LARGE1: variants seen among roughly 807,000 people sequenced by gnomAD.
The protein encoded by LARGE1 is LARGE xylosyl- and glucuronyltransferase 1.
In LARGE1, 43 loss-of-function variants were observed where a neutral mutation model predicts 87.6. The ratio of observed to expected loss-of-function variants is 0.49; its 90% CI spans 0.38 to 0.63. The LOEUF (loss-of-function observed/expected upper bound fraction) is 0.63. LARGE1 is among the 30% of genes least tolerant of loss of function. The pLI, the probability that LARGE1 is intolerant of heterozygous loss-of-function variation, is 0.00. For synonymous variants in LARGE1, 434 were observed against 394.6 expected (o/e 1.10, Z -1.18); for missense variants, 802 against 1,000.2 (o/e 0.80, Z 2.67).
At chr22:33,579,758 T>C (rs563485800) in intron 5 of LARGE1, among the ~76,000 whole-genome samples, 2 of 152,280 alleles carry the variant, frequency 1.3e-5, no homozygotes, top group East Asian at 3.9e-4. Flanking sequence ...GGTGGTGTTG[T>C]TTTGTGTTAC....
At chr22:33,306,305 G>T (rs1405619947) in intron 11 of LARGE1, among the ~76,000 whole-genome samples, 1 of 152,164 alleles carries the variant, frequency 6.6e-6, no homozygotes, top group African/African-American at 2.4e-5. Context: ...AAATGTGGGG[G>T]ACTCTGCGCT....
At chr22:33,280,721 G>A (rs1259540103) in intron 13 of LARGE1, among the ~76,000 whole-genome samples, 1 of 152,190 alleles carries the variant, frequency 6.6e-6, no homozygotes, top group Non-Finnish European at 1.5e-5. Context: ...CTCCTTCCCT[G>A]CTAAAAAAGG....
chr22:33,580,377 A>G (rs1423054362), intron 5 of LARGE1, among the ~76,000 whole-genome samples: 1 of 129,944 alleles, frequency 7.7e-6, no homozygotes, highest in East Asian at 2.0e-4. Context: ...ACAAAAAAAG[A>G]AAAAAAAAAA....
At chr22:33,072,441 C>A in the LARGE1 span, among the ~76,000 whole-genome samples, 1 of 152,066 alleles carries the variant, frequency 6.6e-6, no homozygotes, top group Admixed American at 6.6e-5. Context: ...CAAGGGGAAT[C>A]ATTTTCTTAG....
intron 9 of LARGE1, among the ~76,000 whole-genome samples, chr22:33,369,022 G>T (rs750599521): frequency 6.6e-6 from 1 of 152,112 alleles, no homozygotes; most frequent in Admixed American, 6.6e-5. Context: ...TTAAAATAAG[G>T]TAACAATGAA....
At chr22:33,525,440 A>G (rs560498642) in intron 6 of LARGE1, among the ~76,000 whole-genome samples, 1 of 152,354 alleles carries the variant, frequency 6.6e-6, no homozygotes, top group African/African-American at 2.4e-5. Flanking sequence ...TGAAAGCTGC[A>G]TGAAACAGCC....
chr22:33,815,074 G>A (rs1161148963), intron 1 of LARGE1, among the ~76,000 whole-genome samples: 1 of 152,172 alleles, frequency 6.6e-6, no homozygotes, highest in Admixed American at 6.6e-5. Flanking sequence ...AGTAAAGGAG[G>A]AGATTTAATG....
intron 12 of LARGE1, among the ~76,000 whole-genome samples, chr22:33,302,401 G>A (rs560070000): frequency 6.6e-6 from 1 of 152,250 alleles, no homozygotes; most frequent in African/African-American, 2.4e-5. Flanking sequence ...TTTTAACAGA[G>A]TCTGGTAGGG....
intron 1 of LARGE1, among the ~76,000 whole-genome samples, chr22:33,793,022 C>T (rs947136300): frequency 1.3e-5 from 2 of 152,186 alleles, no homozygotes; most frequent in African/African-American, 4.8e-5. Context: ...CTGAGCGTGC[C>T]CAGAGGAGGA....
At chr22:33,577,772 C>T (rs931930279) in intron 5 of LARGE1, among the ~76,000 whole-genome samples, 1 of 152,246 alleles carries the variant, frequency 6.6e-6, no homozygotes, top group Non-Finnish European at 1.5e-5. Flanking sequence ...CAGCAACTTA[C>T]AAGCAGGCAA....
Position 33,787,150 on chromosome 22 carries a change from T to C in LARGE1, c.-82-25592A>G, listed in dbSNP as rs1041262583. Among the ~76,000 whole-genome samples the C allele has an allele frequency of 4.6e-5, 7 of 152,340 alleles. No homozygotes were observed. The South Asian group carries it at 6.2e-4, about 14-fold the overall frequency. ...GCATGCTATACTTCCACGTAACAGCTGGTATTATCTTCTACCCAATTTCAA... is the reference window on the plus strand; with the variant it reads ...GCATGCTATACTTCCACGTAACAGCCGGTATTATCTTCTACCCAATTTCAA... On this transcript the variant is annotated intron_variant, in intron 1 of 14. Coordinates refer to ENST00000397394, the MANE Select transcript of LARGE1 (RefSeq NM_133642.5).
intron 6 of LARGE1, among the ~76,000 whole-genome samples, chr22:33,471,124 T>C (rs909229098): frequency 2.0e-5 from 3 of 149,736 alleles, no homozygotes; most frequent in African/African-American, 7.4e-5. Context: ...GCCACCTGGG[T>C]TCAAGCAATT....
chr22:33,692,288 C>G (rs1331849691), intron 2 of LARGE1, among the ~76,000 whole-genome samples: 1 of 150,826 alleles, frequency 6.6e-6, no homozygotes, highest in African/African-American at 2.4e-5. Context: ...GTAACACGGC[C>G]TTCCCCAATA....
intron 3 of LARGE1, among the ~76,000 whole-genome samples, chr22:33,642,743 G>GATGC (rs1187325668): frequency 4.5e-5 from 6 of 133,698 alleles, no homozygotes; most frequent in Non-Finnish European, 6.2e-5. Flanking sequence ...AAAGGCAGGA[G>GATGC]ATGCAATCCT....
At chr22:33,578,004 C>G (rs2078402235) in intron 5 of LARGE1, among the ~76,000 whole-genome samples, 1 of 152,190 alleles carries the variant, frequency 6.6e-6, no homozygotes, top group Non-Finnish European at 1.5e-5. Flanking sequence ...TGTAATACAT[C>G]TAACAAACAT....
intron 2 of LARGE1, among the ~76,000 whole-genome samples, chr22:33,674,348 G>A (rs1020248197): frequency 6.6e-6 from 1 of 152,116 alleles, no homozygotes; most frequent in Non-Finnish European, 1.5e-5. Flanking sequence ...GAATCATATA[G>A]TCTTTACTTG....
intron 3 of LARGE1, among the ~76,000 whole-genome samples, chr22:33,631,214 C>T (rs1477123100): frequency 6.6e-6 from 1 of 151,832 alleles, no homozygotes; most frequent in Non-Finnish European, 1.5e-5. Flanking sequence ...TAGAGTACAG[C>T]GGTTATTCAC....
chr22:33,394,217 G>A (rs78707066), intron 7 of LARGE1, among the ~76,000 whole-genome samples: 3 of 62,090 alleles, frequency 4.8e-5, no homozygotes, highest in Admixed American at 3.5e-4. Flanking sequence ...TTTTTTTTTT[G>A]AGACAGAGTC....
At chr22:33,402,092 G>T (rs1202353193) in intron 7 of LARGE1, among the ~76,000 whole-genome samples, 1 of 152,222 alleles carries the variant, frequency 6.6e-6, no homozygotes, top group Non-Finnish European at 1.5e-5. Flanking sequence ...CATGAAATTG[G>T]TATGTTTATG....
Sources: allele counts gnomAD v4.1 joint callset (sites outside exome capture counted in the v4.1 genomes callset), GRCh38; gene constraint gnomAD v4.1.1; transcripts MANE v1.5; gene names NCBI Gene and HGNC (gene_info 2026-07-23, HGNC 2026-07-21).